CCDC141: variants seen among roughly 807,000 people sequenced by gnomAD.
CCDC141 encodes coiled-coil domain containing 141, also known as coiled-coil domain-containing protein 141.
A neutral mutation model predicts 181.0 loss-of-function variants in CCDC141; 168 were observed. That is an observed-to-expected ratio of 0.93 (90% CI 0.82 to 1.05). The LOEUF is 1.05. CCDC141 is among the 50% of genes least tolerant of loss of function. CCDC141 has a pLI of 0.00. For synonymous variants in CCDC141, 666 were observed against 642.3 expected (o/e 1.04, Z -0.56); for missense variants, 1,902 against 1,788.5 (o/e 1.06, Z -1.14).
intron 2 of CCDC141, among the ~76,000 whole-genome samples, chr2:179,012,583 G>A (rs539691563): frequency 5.3e-5 from 8 of 152,044 alleles, no homozygotes; most frequent in African/African-American, 1.9e-4. Context: ...TATTCCACAA[G>A]ATAAAGAAGG....
At chr2:178,917,252 TGAG>T (rs1349350430) in intron 7 of CCDC141, among the ~76,000 whole-genome samples, 3 of 152,204 alleles carry the variant, frequency 2.0e-5, no homozygotes, top group Non-Finnish European at 2.9e-5. Flanking sequence ...ACAGAATTAC[TGAG>T]GAGAAACTTA....
At position 179,047,340 on chromosome 2, in the gene CCDC141, G is replaced by T; in HGVS notation, c.169C>A (p.Gln57Lys). ...QPNLLEIGSSQDETKKLLHDH... is the reference protein window; with the variant it reads ...QPNLLEIGSSKDETKKLLHDH... ...TGAAGAAGTTTTTTGGTTTCATCTT[G>T]ACTGCTGCCAATTTCTAGAAGATTG... The change falls in exon 2 of 24, where the codon CAA becomes AAA. Residue 57 changes from glutamine to lysine, a missense_variant. Physicochemically the swap from Gln to Lys is moderately conservative, Grantham distance 53. Coordinates refer to ENST00000443758, the MANE Select transcript of CCDC141 (RefSeq NM_173648.4). 1 of 1,542,756 alleles carries T rather than the reference G, an allele frequency of 6.5e-7. No individual in the cohort carries two copies. The highest frequency in any genetic ancestry group is 8.7e-7 in the Non-Finnish European group (1 of 1,144,566).
In CCDC141 at chr2:178,831,631, A is replaced by G. The variant is rs1684253165; in HGVS notation, c.*2542T>C. 6.6e-6 allele frequency: 1 copy of G among 152,230 alleles called. No homozygotes were observed. Among genetic ancestry groups the G allele is most frequent in the South Asian group, 2.1e-4 (1 of 4,828 alleles). The allele number at this position is 152,230 out of a possible 1,614,324, so 9.4% of individuals were successfully genotyped here. On this transcript the variant is annotated 3_prime_UTR_variant, in exon 24 of 24. Transcript: ENST00000443758. Reference sequence around the variant, plus strand: ...ACCAGTAACTGCAATTGATACTTTCATAAGAATAATTATTTGCTCAAGACA... The same window carrying G: ...ACCAGTAACTGCAATTGATACTTTCGTAAGAATAATTATTTGCTCAAGACA...
intron 8 of CCDC141, among the ~76,000 whole-genome samples, chr2:178,890,941 T>A (rs997350186): frequency 1.3e-5 from 2 of 152,186 alleles, no homozygotes; most frequent in African/African-American, 4.8e-5. Flanking sequence ...AAAATAACTT[T>A]GTGAAGTGTC....
At chr2:178,971,571 G>T (rs6715920) in intron 4 of CCDC141, among the ~76,000 whole-genome samples, 64,844 of 151,990 alleles carry the variant, frequency 0.43, 14,401 homozygotes, top group East Asian at 0.71. Context: ...CCATTACTGG[G>T]TATATACCCA....
intron 21 of CCDC141, among the ~76,000 whole-genome samples, 187 bp from the exon 22 acceptor site, chr2:178,845,929 C>T (rs1179785390): frequency 6.6e-6 from 1 of 152,190 alleles, no homozygotes; most frequent in Non-Finnish European, 1.5e-5. Context: ...TTCCCTCCTG[C>T]CTCATTCCTT....
chr2:178,861,074 C>A (rs1685594557), intron 17 of CCDC141, among the ~76,000 whole-genome samples: 1 of 152,042 alleles, frequency 6.6e-6, no homozygotes, highest in Admixed American at 6.6e-5. Context: ...TCCAGATGGA[C>A]CCAGGATGGG....
At position 178,890,381 on chromosome 2, in the gene CCDC141, A is replaced by G. The variant is rs115657448; in HGVS notation, c.1266-1713T>C. The stretch of plus-strand genomic sequence containing the variant: ...TAAACTTAGAATACAGGCCTCCCTG[A>G]CCCCAAGAAGCTGTAGCTTGGAGGG... On this transcript the variant is annotated intron_variant, in intron 8 of 23. Transcript: ENST00000443758. Among the ~76,000 whole-genome samples, 751 of 152,238 alleles carry G rather than the reference A, an allele frequency of 4.9e-3. 8 individuals carry two copies. The highest frequency in any genetic ancestry group is 0.017 in the African/African-American group (722 of 41,548).
chr2:178,825,392 GC>G (rs1438972876), downstream of CCDC141: 1 of 152,116 alleles, frequency 6.6e-6, no homozygotes, highest in Non-Finnish European at 1.5e-5. Context: ...GATGTCAGAG[GC>G]CAAAAGGACT....
chr2:179,049,606 T>A (rs1056555130), intron 1 of CCDC141, among the ~76,000 whole-genome samples: 13 of 150,578 alleles, frequency 8.6e-5, no homozygotes, highest in East Asian at 7.7e-4. Context: ...TTTTTTTTTT[T>A]AAATCAAGCT....
chr2:178,978,240 T>G (rs1010360629), intron 3 of CCDC141, among the ~76,000 whole-genome samples: 2 of 152,214 alleles, frequency 1.3e-5, no homozygotes, highest in African/African-American at 4.8e-5. Flanking sequence ...CCATTATTAC[T>G]TAATATTTTA....
At chr2:178,995,362 T>C (rs1692238926) in intron 2 of CCDC141, among the ~76,000 whole-genome samples, 1 of 152,110 alleles carries the variant, frequency 6.6e-6, no homozygotes, top group African/African-American at 2.4e-5. Context: ...AACCATCAGA[T>C]CTCATAAGAC....
At chr2:178,823,374 G>A in the CCDC141 span, among the ~76,000 whole-genome samples, 1 of 152,090 alleles carries the variant, frequency 6.6e-6, no homozygotes, top group Admixed American at 6.5e-5. Context: ...AGCAAATTCT[G>A]TTGTTTCCAG....
chr2:178,953,180 T>C (rs1218242575), intron 5 of CCDC141, among the ~76,000 whole-genome samples: 1 of 152,210 alleles, frequency 6.6e-6, no homozygotes, highest in African/African-American at 2.4e-5. Context: ...CTCACGCCTA[T>C]AATCCCAGCA....
At chr2:178,903,040 G>C (rs1687782990) in intron 8 of CCDC141, among the ~76,000 whole-genome samples, 1 of 150,252 alleles carries the variant, frequency 6.7e-6, no homozygotes, top group Non-Finnish European at 1.5e-5. Context: ...AGAAATGCAA[G>C]CCAAAACCAC....
chr2:178,982,281 C>CA (rs951796345), intron 2 of CCDC141, among the ~76,000 whole-genome samples: 14 of 151,886 alleles, frequency 9.2e-5, no homozygotes, highest in African/African-American at 3.1e-4. Context: ...AGATCAATAA[C>CA]AAAAAAATTG....
rs1236258182 is a variant in CCDC141 at position 178,855,561 on chromosome 2, T to A, written c.2866-20A>T. The A allele has an allele frequency of 6.6e-7, 1 of 1,513,058 alleles. No homozygotes were observed. Among genetic ancestry groups the A allele is most frequent in the African/African-American group, 1.4e-5 (1 of 70,772 alleles). 93.7% of individuals were successfully genotyped at this position (1,513,058 alleles called of 1,614,324 possible). A position where few individuals can be genotyped will look rare whatever the true frequency, so the allele number is the denominator to read the frequency against. The stretch of plus-strand genomic sequence containing the variant: ...CAAAGCCTGTGTGAAAAACAAAAAG[T>A]TTTTTAAACAACATTCAATTTGTAT... On this transcript the variant is annotated intron_variant, in intron 18 of 23. Coordinates refer to ENST00000443758, the MANE Select transcript of CCDC141 (RefSeq NM_173648.4).
chr2:179,042,534 G>A (rs925808711), intron 2 of CCDC141, among the ~76,000 whole-genome samples: 23 of 152,106 alleles, frequency 1.5e-4, no homozygotes, highest in African/African-American at 5.6e-4. Context: ...TTTTAATAGA[G>A]ACAAGGTTTC....
chr2:178,826,948 G>T (rs1208058257), downstream of CCDC141, among the ~76,000 whole-genome samples: 1 of 151,998 alleles, frequency 6.6e-6, no homozygotes, highest in East Asian at 1.9e-4. Flanking sequence ...TAAGGTGACA[G>T]CTTAGGATGA....
Sources: gnomAD v4.1 joint callset for allele counts (sites outside exome capture counted in the v4.1 genomes callset) on GRCh38, gnomAD v4.1.1 for gene constraint, MANE v1.5 for transcripts, NCBI Gene and HGNC (gene_info 2026-07-23, HGNC 2026-07-21) for gene names.